AGAP1: variants seen among roughly 807,000 people sequenced by gnomAD.
The protein encoded by AGAP1 is arf-GAP with GTPase, ANK repeat and PH domain-containing protein 1.
A neutral mutation model predicts 105.3 loss-of-function variants in AGAP1; 29 were observed. That is an observed-to-expected ratio of 0.28 (90% CI 0.21 to 0.38). The LOEUF is 0.38. AGAP1 is among the 10% of genes least tolerant of loss of function. The pLI, the probability that AGAP1 is intolerant of heterozygous loss-of-function variation, is 1.00. For missense variants in AGAP1, 998 were observed against 1,165.1 expected (o/e 0.86, Z 2.09); for synonymous variants, 509 against 485.9 (o/e 1.05, Z -0.63).
intron 1 of AGAP1, among the ~76,000 whole-genome samples, chr2:235,520,356 C>T (rs776976813): frequency 2.6e-5 from 4 of 152,200 alleles, no homozygotes; most frequent in Admixed American, 6.5e-5. Flanking sequence ...TCTGAAACTC[C>T]TCCAATGAGT....
At position 236,120,544 on chromosome 2, in the gene AGAP1, T is replaced by A. The variant is rs1309739598; in HGVS notation, c.2370+97T>A. 13 of 1,556,792 alleles carry A rather than the reference T, an allele frequency of 8.4e-6. No homozygotes were observed. Among genetic ancestry groups the A allele is most frequent in the Non-Finnish European group, 1.1e-5 (13 of 1,154,942 alleles). On this transcript the variant is annotated intron_variant, in intron 17 of 17. Transcript: ENST00000304032. This position sits in a 1 kb window ranked among gnomAD's most constrained non-coding sequence, Gnocchi z 6.0. ...GCATCTTTCTGGCAGAAGGCTGTTG[T>A]TCTCGATCTGCAAGTGGAAACAGTT...
chr2:235,503,302 G>A (rs571825744), intron 1 of AGAP1, among the ~76,000 whole-genome samples: 1 of 152,314 alleles, frequency 6.6e-6, no homozygotes, highest in African/African-American at 2.4e-5. Context: ...GGGCGTTTCC[G>A]GAAGCCTGTC....
rs551261978 is a variant in AGAP1 at position 235,696,107 on chromosome 2, G to A, written c.164-13072G>A. On this transcript the variant is annotated intron_variant, in intron 1 of 17. Transcript: ENST00000304032. The stretch of plus-strand genomic sequence containing the variant: ...GTTGCCCAGGCTGGAGTGCAGTGGC[G>A]TGATCTCAGCTCACTGCAACCTCCG... Among the ~76,000 whole-genome samples the A allele has an allele frequency of 4.6e-5, 7 of 152,260 alleles. No individual in the cohort carries two copies. In the South Asian group the frequency reaches 8.3e-4, roughly 18 times the overall value.
In AGAP1 at chr2:235,599,295, G is replaced by A. The variant is rs916015088; in HGVS notation, c.163+104446G>A. ...TGCAGTACGTTTACACTGTGTGTTG[G>A]GGGGGTGGCAGTGTGCTTTCTTCCT... On this transcript the variant is annotated intron_variant, in intron 1 of 17. Coordinates refer to ENST00000304032, the MANE Select transcript of AGAP1 (RefSeq NM_001037131.3). This position sits in a 1 kb window ranked among gnomAD's most constrained non-coding sequence, Gnocchi z 5.3. Among the ~76,000 whole-genome samples the A allele has an allele frequency of 6.6e-6, 1 of 152,112 alleles. No homozygotes were observed. The highest frequency in any genetic ancestry group is 2.4e-5 in the African/African-American group (1 of 41,430).
At chr2:235,510,461 AGTT>A (rs1444790891) in intron 1 of AGAP1, among the ~76,000 whole-genome samples, 9 of 152,156 alleles carry the variant, frequency 5.9e-5, no homozygotes, top group African/African-American at 1.9e-4. Flanking sequence ...ATATTGATGG[AGTT>A]GTTTCCAGTT....
Position 236,036,491 on chromosome 2 carries a change from G to C in AGAP1, c.1646-70G>C. The C allele has an allele frequency of 6.4e-7, 1 of 1,574,004 alleles. No individual in the cohort carries two copies. The highest frequency in any genetic ancestry group is 1.8e-5 in the Admixed American group (1 of 56,484). Reference sequence around the variant, plus strand: ...CAGCTGAACCCAGAGGCGCTTCTGTGACAGAGGGCCCGCAGGGGGACTGCT... The same window carrying C: ...CAGCTGAACCCAGAGGCGCTTCTGTCACAGAGGGCCCGCAGGGGGACTGCT... On this transcript the variant is annotated intron_variant, in intron 13 of 17. Transcript: ENST00000304032. This position sits in a 1 kb window ranked among gnomAD's most constrained non-coding sequence, Gnocchi z 5.7.
chr2:235,826,428 CT>C (rs72198637), intron 9 of AGAP1, among the ~76,000 whole-genome samples: 4 of 151,684 alleles, frequency 2.6e-5, no homozygotes, highest in Non-Finnish European at 4.4e-5. Flanking sequence ...TTTCACATAT[CT>C]TTTTTTTTCT....
intron 6 of AGAP1, chr2:235,783,221 G>GT (rs1253623077): frequency 1.1e-5 from 4 of 375,946 alleles, no homozygotes; most frequent in Non-Finnish European, 2.1e-5. Flanking sequence ...TCCTAAGGTA[G>GT]TTTATAGCAA....
rs1158709999 is a variant in AGAP1, at chr2:235,754,336, C to G, written c.673+3848C>G. ...GGCTTCTTTTTTGCCCTAGGGCTTA[C>G]TTTGTTTATTTACTTTTTATACCTG... On this transcript the variant is annotated intron_variant, in intron 6 of 17. Coordinates refer to ENST00000304032, the MANE Select transcript of AGAP1 (RefSeq NM_001037131.3). This position sits in a 1 kb window ranked among gnomAD's most constrained non-coding sequence, Gnocchi z 4.6. Among the ~76,000 whole-genome samples, 1 of 151,464 alleles carries G rather than the reference C, an allele frequency of 6.6e-6. No individual in the cohort carries two copies. Among genetic ancestry groups the G allele is most frequent in the East Asian group, 1.9e-4 (1 of 5,162 alleles).
Position 235,934,320 on chromosome 2 carries a change from A to C in AGAP1, c.1483+3397A>C, listed in dbSNP as rs1171712911. Among the ~76,000 whole-genome samples, 2 of 152,194 alleles carry C rather than the reference A, an allele frequency of 1.3e-5. No homozygotes were observed. The highest frequency in any genetic ancestry group is 1.5e-5 in the Non-Finnish European group (1 of 68,038). ...GTCCACGGACCAAGTGGCATTTGAC[A>C]GCTCCGGGGATTTGGCTGGTGATGC... On this transcript the variant is annotated intron_variant, in intron 12 of 17. Coordinates refer to ENST00000304032, the MANE Select transcript of AGAP1 (RefSeq NM_001037131.3). The surrounding 1 kb of genome is among the most constrained non-coding windows in gnomAD (Gnocchi z 4.9).
chr2:235,804,863 G>A (rs914905941), intron 8 of AGAP1, among the ~76,000 whole-genome samples: 2 of 152,202 alleles, frequency 1.3e-5, no homozygotes, highest in African/African-American at 4.8e-5. Context: ...GTCACTCCTG[G>A]CAGACGCCGT....
intron 6 of AGAP1, among the ~76,000 whole-genome samples, chr2:235,797,440 A>G (rs1957293952): frequency 1.3e-5 from 2 of 151,984 alleles, no homozygotes. Context: ...CAAGTAGGAA[A>G]AACATACGAG....
intron 16 of AGAP1, among the ~76,000 whole-genome samples, chr2:236,071,377 A>C (rs1025575771): frequency 6.6e-6 from 1 of 152,144 alleles, no homozygotes; most frequent in African/African-American, 2.4e-5. Flanking sequence ...CCACTCCTGG[A>C]AGGATTGGTT....
Position 236,118,456 on chromosome 2 carries a change from C to T in AGAP1, c.2115-1736C>T, listed in dbSNP as rs565081140. Among the ~76,000 whole-genome samples the T allele has an allele frequency of 1.5e-4, 21 of 143,362 alleles. No individual in the cohort carries two copies. In the East Asian group the frequency reaches 4.7e-3, roughly 32 times the overall value. 94.1% of individuals were successfully genotyped at this position (143,362 alleles called of 152,430 possible). On this transcript the variant is annotated intron_variant, in intron 16 of 17. Transcript: ENST00000304032. The stretch of plus-strand genomic sequence containing the variant: ...CCAGGCTGGAGTGCAGTGGCGCAAT[C>T]TCAGCTCACTGCAACCTCTGCCTCC...
Position 235,665,941 on chromosome 2 carries a change from A to G in AGAP1, c.164-43238A>G, listed in dbSNP as rs568634023. On this transcript the variant is annotated intron_variant, in intron 1 of 17. Transcript: ENST00000304032. The surrounding 1 kb of genome is among the most constrained non-coding windows in gnomAD (Gnocchi z 5.3). ...AGCTCTAGCAACACTTGGAAATACT[A>G]TTCTCCAGGAGAATGTTTGATTTAT... 1.3e-5 allele frequency among the ~76,000 whole-genome samples: 2 copies of G among 152,336 alleles called. No individual in the cohort carries two copies. Among genetic ancestry groups the G allele is most frequent in the East Asian group, 1.9e-4 (1 of 5,188 alleles).
chr2:235,514,162 G>GCGCGCACA (rs1003208197), intron 1 of AGAP1, among the ~76,000 whole-genome samples: 52 of 150,618 alleles, frequency 3.5e-4, no homozygotes, highest in African/African-American at 9.5e-4. Flanking sequence ...GTGCGCGCGC[G>GCGCGCACA]CACACACACA....
At chr2:235,831,374 TG>T (rs1193644908) in intron 9 of AGAP1, among the ~76,000 whole-genome samples, 1 of 152,160 alleles carries the variant, frequency 6.6e-6, no homozygotes, top group Non-Finnish European at 1.5e-5. Context: ...GAGTGTGTTC[TG>T]TGAATCTGGA....
chr2:235,616,916 A>G (rs1946324594), intron 1 of AGAP1, among the ~76,000 whole-genome samples: 1 of 151,900 alleles, frequency 6.6e-6, no homozygotes, highest in Non-Finnish European at 1.5e-5. Context: ...TAACTTCCCT[A>G]GGGATGCTTG....
chr2:235,880,577 A>AC (rs2049968523), intron 9 of AGAP1, among the ~76,000 whole-genome samples: 1 of 41,334 alleles, frequency 2.4e-5, no homozygotes, highest in Non-Finnish European at 4.5e-5. Context: ...CTAAAAATAC[A>AC]AAAAAAAAAA....
Sources: gnomAD v4.1 joint callset for allele counts (sites outside exome capture counted in the v4.1 genomes callset) on GRCh38, gnomAD v4.1.1 for gene constraint, Gnocchi (gnomAD v3.1) non-coding constraint, MANE v1.5 for transcripts, NCBI Gene and HGNC (gene_info 2026-07-23, HGNC 2026-07-21) for gene names.